RNF111: variants seen among roughly 807,000 people sequenced by gnomAD.
RNF111 encodes the protein ring finger protein 111.
In RNF111, 17 loss-of-function variants were observed where a neutral mutation model predicts 95.1. The observed-to-expected ratio is 0.18, with a 90% CI of 0.12 to 0.27. RNF111 has a LOEUF of 0.27. RNF111 is among the 10% of genes least tolerant of loss of function. The pLI, the probability that RNF111 is intolerant of heterozygous loss-of-function variation, is 1.00. For synonymous variants in RNF111, 440 were observed against 414.8 expected (o/e 1.06, Z -0.74); for missense variants, 1,189 against 1,210.4 (o/e 0.98, Z 0.26).
chr15:59,026,858 A>C (rs1052451565), intron 1 of RNF111, among the ~76,000 whole-genome samples: 4 of 152,164 alleles, frequency 2.6e-5, no homozygotes, highest in Non-Finnish European at 4.4e-5. Flanking sequence ...TGATATGTTA[A>C]CTCAGAGAAG....
chr15:59,009,359 A>G (rs1400811102), intron 1 of RNF111, among the ~76,000 whole-genome samples: 2 of 151,978 alleles, frequency 1.3e-5, no homozygotes, highest in Non-Finnish European at 1.5e-5. Context: ...GAGGGTGACT[A>G]TCTCTGTGAG....
chr15:59,052,740 A>G (rs527954803), intron 3 of RNF111, among the ~76,000 whole-genome samples: 2 of 152,182 alleles, frequency 1.3e-5, no homozygotes, highest in African/African-American at 4.8e-5. Flanking sequence ...AGCAGGCTGC[A>G]TTAAACTCAC....
At chr15:59,022,585 C>A (rs113710080) in intron 1 of RNF111, among the ~76,000 whole-genome samples, 4 of 152,174 alleles carry the variant, frequency 2.6e-5, no homozygotes, top group African/African-American at 4.8e-5. Flanking sequence ...CTTGTGCAGT[C>A]CTCTTTTAAC....
rs1415910828 is a variant in RNF111, at chr15:59,096,310, A to G, written c.*1410A>G. 3 of 368,332 alleles carry G rather than the reference A, an allele frequency of 8.1e-6. No individual in the cohort carries two copies. The highest frequency in any genetic ancestry group is 9.1e-5 in the Admixed American group (2 of 21,858). The allele number at this position is 368,332 out of a possible 1,614,324, so 22.8% of individuals were successfully genotyped here. ...ATTGCAAATGCATCCAGTCAGTAAT[A>G]TCACTGTCTGTATGTGGAGGACATG... On this transcript the variant is annotated 3_prime_UTR_variant, in exon 14 of 14. Coordinates refer to ENST00000348370, the MANE Select transcript of RNF111 (RefSeq NM_017610.8).
chr15:59,039,085 C>G (rs1187079141), intron 2 of RNF111, among the ~76,000 whole-genome samples: 6 of 152,178 alleles, frequency 3.9e-5, no homozygotes, highest in African/African-American at 1.4e-4. Context: ...CTGCCTCTGC[C>G]TCCCGAGTAG....
At chr15:58,993,592 A>G (rs1385609676) in intron 1 of RNF111, among the ~76,000 whole-genome samples, 7 of 152,166 alleles carry the variant, frequency 4.6e-5, no homozygotes, top group Non-Finnish European at 1.0e-4. Context: ...GCTTCTTTTC[A>G]TTTTGATAAA....
At chr15:59,018,325 T>G (rs2040169136) in intron 1 of RNF111, among the ~76,000 whole-genome samples, 1 of 152,214 alleles carries the variant, frequency 6.6e-6, no homozygotes, top group Admixed American at 6.5e-5. Flanking sequence ...TATTCTGTCA[T>G]TAAGGTGTCC....
At chr15:59,059,584 G>T (rs193140015) in intron 5 of RNF111, among the ~76,000 whole-genome samples, 1 of 152,104 alleles carries the variant, frequency 6.6e-6, no homozygotes, top group Non-Finnish European at 1.5e-5. Flanking sequence ...GGGTTTTTTG[G>T]TTATGGTTTG....
At chr15:59,094,033 T>G (rs2079129641) in intron 13 of RNF111, among the ~76,000 whole-genome samples, 1 of 152,186 alleles carries the variant, frequency 6.6e-6, no homozygotes. Flanking sequence ...TAACTTTTAT[T>G]CCACTGTTAA....
At chr15:59,073,282 G>A (rs938763547) in intron 6 of RNF111, among the ~76,000 whole-genome samples, 14 of 151,982 alleles carry the variant, frequency 9.2e-5, no homozygotes, top group Non-Finnish European at 1.8e-4. Context: ...CAAGACCAGC[G>A]TGGGCAACAT....
At chr15:59,088,761 C>G (rs114591874) in intron 10 of RNF111, among the ~76,000 whole-genome samples, 3,395 of 152,260 alleles carry the variant, frequency 0.022, 134 homozygotes, top group African/African-American at 0.077. Context: ...TGTGTTTCTG[C>G]TTAAAGACAA....
At chr15:59,080,454 A>G (rs992689921) in intron 7 of RNF111, among the ~76,000 whole-genome samples, 5 of 152,086 alleles carry the variant, frequency 3.3e-5, no homozygotes, top group African/African-American at 1.2e-4. Flanking sequence ...AATATTAATT[A>G]TGGCAACCTT....
At chr15:59,000,595 A>T (rs2039283121) in intron 1 of RNF111, among the ~76,000 whole-genome samples, 1 of 151,694 alleles carries the variant, frequency 6.6e-6, no homozygotes, top group Non-Finnish European at 1.5e-5. Context: ...CTATAATCCT[A>T]GCTATTCGGG....
At chr15:59,071,726 A>G (rs1352083596) in intron 6 of RNF111, among the ~76,000 whole-genome samples, 1 of 152,014 alleles carries the variant, frequency 6.6e-6, no homozygotes, top group Non-Finnish European at 1.5e-5. Flanking sequence ...GGAGGAAAAT[A>G]TTACTGATGA....
At chr15:59,075,296 C>T (rs1459509907) in intron 6 of RNF111, among the ~76,000 whole-genome samples, 1 of 152,122 alleles carries the variant, frequency 6.6e-6, no homozygotes, top group Non-Finnish European at 1.5e-5. Flanking sequence ...CTAAATGTGC[C>T]TATAAAATGC....
intron 1 of RNF111, among the ~76,000 whole-genome samples, chr15:59,027,519 C>G (rs1022181392): frequency 1.3e-5 from 2 of 151,662 alleles, no homozygotes; most frequent in Admixed American, 6.6e-5. Flanking sequence ...AAAAGAAATT[C>G]TATACCTTTT....
intron 5 of RNF111, among the ~76,000 whole-genome samples, chr15:59,065,921 G>T (rs180785819): frequency 1.3e-5 from 2 of 151,980 alleles, no homozygotes; most frequent in African/African-American, 2.4e-5. Context: ...TGAGGCAGGA[G>T]AATCTGTTGA....
chr15:59,013,262 C>T (rs1432839968), intron 1 of RNF111, among the ~76,000 whole-genome samples: 1 of 152,196 alleles, frequency 6.6e-6, no homozygotes, highest in Non-Finnish European at 1.5e-5. Flanking sequence ...ATATCGCTCA[C>T]TCAGTTACCC....
At chr15:58,997,616 A>G (rs2039134958) in intron 1 of RNF111, among the ~76,000 whole-genome samples, 1 of 151,820 alleles carries the variant, frequency 6.6e-6, no homozygotes, top group Admixed American at 6.6e-5. Flanking sequence ...CAAGAGATCG[A>G]GACCATCCTG....
Sources: allele counts gnomAD v4.1 joint callset (sites outside exome capture counted in the v4.1 genomes callset), GRCh38; gene constraint gnomAD v4.1.1; transcripts MANE v1.5; gene names NCBI Gene and HGNC (gene_info 2026-07-23, HGNC 2026-07-21).